The following NOL4 variants were observed in gnomAD, a reference collection of about 807,000 sequenced individuals.
NOL4 encodes the protein nucleolar protein 4.
Under a neutral mutation model 75.9 loss-of-function variants are expected in NOL4, and 17 were observed. That is an observed-to-expected ratio of 0.22 (90% confidence interval 0.15 to 0.34). The LOEUF is 0.34. Among genes scored for constraint, NOL4 ranks in the 10% least tolerant of loss-of-function variants. The pLI is 1.00. For missense variants in NOL4, 614 were observed against 793.5 expected, an observed-to-expected ratio of 0.77 and a Z score of 2.72; for synonymous variants, 292 against 289.9, an observed-to-expected ratio of 1.01 and a Z score of -0.07.
chr18:34,222,904 C>A, intron 1 of NOL4, 86 bp downstream of exon 1: 5 of 1,531,210 alleles, frequency 3.3e-6, no homozygotes, highest in South Asian at 1.2e-5. Context: ...CGGCTCACGG[C>A]TCCCCCTCTC....
chr18:34,192,938 T>C (rs939562742), intron 1 of NOL4, among the ~76,000 whole-genome samples: 1 of 152,154 alleles, frequency 6.6e-6, no homozygotes, highest in Non-Finnish European at 1.5e-5. Flanking sequence ...CCTTTCACCA[T>C]GAAATGATGC....
intron 6 of NOL4, among the ~76,000 whole-genome samples, chr18:33,958,712 C>T (rs1469789742): frequency 6.6e-6 from 1 of 152,084 alleles, no homozygotes; most frequent in Non-Finnish European, 1.5e-5. Flanking sequence ...TGTTTCCTCT[C>T]AATACTCATA....
intron 2 of NOL4, among the ~76,000 whole-genome samples, chr18:34,116,853 A>T (rs1428178376): frequency 7.9e-5 from 12 of 152,198 alleles, no homozygotes; most frequent in Admixed American, 7.9e-4. Context: ...GAATTTGACC[A>T]TGTCTTCTTT....
At chr18:34,198,924 T>C (rs527670216) in intron 1 of NOL4, among the ~76,000 whole-genome samples, 1 of 151,974 alleles carries the variant, frequency 6.6e-6, no homozygotes, top group East Asian at 1.9e-4. Flanking sequence ...GGGGCCTGTG[T>C]TAAGTGTATC....
intron 5 of NOL4, among the ~76,000 whole-genome samples, chr18:34,024,214 T>TATATATATATATATATATATATATATAA (rs1365275127): frequency 1.5e-5 from 2 of 130,772 alleles, no homozygotes; most frequent in Admixed American, 7.6e-5. Flanking sequence ...TATATATATA[T>TATATATATATATATATATATATATATAA]AAAATCCTCA....
intron 5 of NOL4, among the ~76,000 whole-genome samples, chr18:34,026,413 G>A (rs1412158394): frequency 6.6e-6 from 1 of 152,144 alleles, no homozygotes; most frequent in African/African-American, 2.4e-5. Flanking sequence ...CTGGGCTTGA[G>A]CTCTAGTAAT....
Position 34,093,605 on chromosome 18 carries a change from T to C in NOL4, c.640-8A>G, listed in dbSNP as rs779100166. ...TTCTATTGAACTTTCATCCTGAAAA[T>C]AGTTTTAAAATATCATCAAGCATTT... is the stretch of plus-strand genomic sequence containing the variant. On this transcript the variant is annotated splice_polypyrimidine_tract_variant and splice_region_variant and intron_variant, in intron 4 of 10. Transcript: ENST00000261592. 4.5e-6 allele frequency: 7 copies of C among 1,566,776 alleles called. No homozygotes were observed. The highest frequency in any genetic ancestry group is 6.1e-6 in the Non-Finnish European group (7 of 1,151,196).
chr18:34,093,594 C>T lies in NOL4; in HGVS notation c.643G>A (p.Glu215Lys). 6.3e-7 allele frequency: 1 copy of T among 1,577,826 alleles called. No individual in the cohort carries two copies. The highest frequency in any genetic ancestry group is 8.6e-7 in the Non-Finnish European group (1 of 1,158,178). ...QLLNSQQDED[E>K]SSIESDEFDM... ...AATTCATCACTTTCTATTGAACTTT[C>T]ATCCTGAAAATAGTTTTAAAATATC... is the stretch of plus-strand genomic sequence containing the variant. Residue 215 changes from glutamate to lysine, a missense_variant, in exon 5 of 11, where the codon GAA becomes AAA. Glu to Lys is a moderately conservative substitution (Grantham distance 56). Around this residue, in one of 9 missense-constraint regions of NOL4, gnomAD observed 135 missense variants for 220.4 expected, o/e 0.61. Transcript: ENST00000261592.
At chr18:34,015,097 T>C (rs1272633664) in intron 6 of NOL4, among the ~76,000 whole-genome samples, 1 of 151,990 alleles carries the variant, frequency 6.6e-6, no homozygotes. Flanking sequence ...CTACAAAAGA[T>C]TGCACAGATT....
At chr18:34,128,973 C>A (rs555946414) in intron 2 of NOL4, 21 of 337,242 alleles carry the variant, frequency 6.2e-5, no homozygotes, top group Non-Finnish European at 4.6e-5. Flanking sequence ...AAGCAAAATT[C>A]AATAAGAATT....
Position 33,852,814 on chromosome 18 carries a change from A to G in NOL4, c.*28T>C, listed in dbSNP as rs765469829. On this transcript the variant is annotated 3_prime_UTR_variant, in exon 11 of 11. Coordinates refer to ENST00000261592, the MANE Select transcript of NOL4 (RefSeq NM_003787.5). The stretch of plus-strand genomic sequence containing the variant: ...TCATTAGTGGAAACTGCAAATTTAG[A>G]CCTCAGTGAATATGGTGGTCGTCTG... The G allele has an allele frequency of 2.9e-5, 46 of 1,587,460 alleles. No homozygotes were observed. The highest frequency in any genetic ancestry group is 3.7e-5 in the Non-Finnish European group (43 of 1,164,508).
intron 6 of NOL4, among the ~76,000 whole-genome samples, chr18:33,964,830 A>G (rs1214856960): frequency 6.6e-6 from 1 of 152,212 alleles, no homozygotes; most frequent in Non-Finnish European, 1.5e-5. Flanking sequence ...GAGAAAGCAC[A>G]CAGGTAAATC....
At chr18:33,956,873 T>C (rs2069686999) in intron 8 of NOL4, among the ~76,000 whole-genome samples, 1 of 131,542 alleles carries the variant, frequency 7.6e-6, no homozygotes, top group African/African-American at 2.7e-5. Context: ...ACCATTGATA[T>C]GAAAATGGTA....
intron 9 of NOL4, among the ~76,000 whole-genome samples, chr18:33,916,211 T>G (rs924812600): frequency 1.2e-4 from 19 of 152,318 alleles, no homozygotes; most frequent in African/African-American, 4.1e-4. Flanking sequence ...TTTCCCATCT[T>G]ATTCCAAGCT....
chr18:33,852,748 T>C lies in NOL4; in HGVS notation c.*94A>G. On this transcript the variant is annotated 3_prime_UTR_variant, in exon 11 of 11. Coordinates refer to ENST00000261592, the MANE Select transcript of NOL4 (RefSeq NM_003787.5). Reference sequence around the variant, plus strand: ...TGGAAGTATTTCTCTTAAAAGACTGTGCAGTAAGACCAGAAGTATCTCTGT... The same window carrying C: ...TGGAAGTATTTCTCTTAAAAGACTGCGCAGTAAGACCAGAAGTATCTCTGT... 1 of 1,046,500 alleles carries C rather than the reference T, an allele frequency of 9.6e-7. No individual in the cohort carries two copies. The allele number at this position is 1,046,500 out of a possible 1,614,324, so 64.8% of individuals were successfully genotyped here. A position where few individuals can be genotyped will look rare whatever the true frequency, so the allele number is the denominator to read the frequency against.
chr18:33,972,358 G>C (rs2071137121), intron 6 of NOL4, among the ~76,000 whole-genome samples: 1 of 151,936 alleles, frequency 6.6e-6, no homozygotes, highest in Admixed American at 6.6e-5. Context: ...AGAAACATAT[G>C]ACAAGATGCT....
intron 6 of NOL4, chr18:34,001,861 TA>T (rs1440180940): frequency 3.9e-5 from 6 of 152,348 alleles, no homozygotes; most frequent in African/African-American, 1.4e-4. Context: ...TAAGTGCTAA[TA>T]CTGAAATTAA....
intron 9 of NOL4, among the ~76,000 whole-genome samples, chr18:33,887,507 G>C (rs1478535435): frequency 2.0e-5 from 3 of 151,334 alleles, no homozygotes; most frequent in Non-Finnish European, 4.4e-5. Context: ...GGCCATGTTG[G>C]TTTGCTGCAC....
intron 5 of NOL4, among the ~76,000 whole-genome samples, chr18:34,059,686 A>G (rs1199405067): frequency 1.3e-5 from 2 of 152,124 alleles, no homozygotes; most frequent in African/African-American, 4.8e-5. Flanking sequence ...CCCTTTAACC[A>G]GTAGAATATA....
Sources: gnomAD v4.1 joint callset for allele counts (sites outside exome capture counted in the v4.1 genomes callset) on GRCh38, gnomAD v4.1.1 for gene constraint, gnomAD v4.1.1 regional missense constraint, MANE v1.5 for transcripts, NCBI Gene and HGNC (gene_info 2026-07-23, HGNC 2026-07-21) for gene names.